Variants in NRP1 observed in about 807,000 individuals in gnomAD.
NRP1 encodes the protein neuropilin 1.
In NRP1, 35 loss-of-function variants were observed where a neutral mutation model predicts 106.7. The observed-to-expected ratio is 0.33, with a 90% CI of 0.25 to 0.43. The LOEUF (loss-of-function observed/expected upper bound fraction) is 0.43, where lower values mean the gene tolerates loss of function less well. Among genes scored for constraint, NRP1 ranks in the 20% least tolerant of loss-of-function variants. The pLI is 1.00. For missense variants in NRP1, 1,024 were observed against 1,170.4 expected, an observed-to-expected ratio of 0.87 and a Z score of 1.83; for synonymous variants, 437 against 417.9, an observed-to-expected ratio of 1.05 and a Z score of -0.56.
intron 4 of NRP1, among the ~76,000 whole-genome samples, chr10:33,259,496 G>T (rs1392958139): frequency 6.6e-6 from 1 of 152,148 alleles, no homozygotes; most frequent in Non-Finnish European, 1.5e-5. Flanking sequence ...ACAGCTATTG[G>T]ATTTCCTATT....
rs1838506259 is a variant in NRP1 at position 33,213,595 on chromosome 10, A to C, written c.1405T>G (p.Ser469Ala). 1 of 1,613,902 alleles carries C rather than the reference A, an allele frequency of 6.2e-7. No homozygotes were observed. Among genetic ancestry groups the C allele is most frequent in the South Asian group, 1.1e-5 (1 of 91,056 alleles). Residue 469 changes from serine (S) to alanine (A), a missense_variant, in exon 9 of 17, where the codon TCT (serine) becomes GCT (alanine). Transcript: ENST00000374867. Reference sequence around the variant, plus strand: ...GGTGCGGGTGGAAGTGCCCAGCCAGAGCGACTGGTTACCAGGCGGATGTTT... The same window carrying C: ...GGTGCGGGTGGAAGTGCCCAGCCAGCGCGACTGGTTACCAGGCGGATGTTT... ...PENIRLVTSR[S>A]GWALPPAPHS...
chr10:33,197,776 A>G, intron 11 of NRP1, 67 bp from the exon 12 acceptor site: 5 of 853,690 alleles, frequency 5.9e-6, no homozygotes, highest in Non-Finnish European at 9.6e-6. Context: ...AGAAAAATGT[A>G]TGCTTACAAA....
At chr10:33,204,233 A>G (rs1837582367) in intron 10 of NRP1, among the ~76,000 whole-genome samples, 1 of 152,160 alleles carries the variant, frequency 6.6e-6, no homozygotes, top group Admixed American at 6.5e-5. Context: ...CTTTCTTAGT[A>G]AAAATTTGAC....
chr10:33,198,527 G>C (rs1324281412), intron 11 of NRP1, among the ~76,000 whole-genome samples: 1 of 151,832 alleles, frequency 6.6e-6, no homozygotes, highest in Non-Finnish European at 1.5e-5. Flanking sequence ...TTCACTCCAC[G>C]GGCACTCACT....
intron 2 of NRP1, among the ~76,000 whole-genome samples, chr10:33,291,502 C>T (rs559027948): frequency 2.0e-5 from 3 of 152,326 alleles, no homozygotes; most frequent in East Asian, 1.9e-4. Context: ...AATTTGGAGA[C>T]AAGACTTTTC....
chr10:33,315,561 C>T (rs1253560368), intron 2 of NRP1, among the ~76,000 whole-genome samples: 2 of 152,156 alleles, frequency 1.3e-5, no homozygotes, highest in African/African-American at 4.8e-5. Flanking sequence ...ACACTAAACT[C>T]GGCTCTGAGC....
Position 33,190,791 on chromosome 10 carries a change from TATGTGTGTGTGTGTGC to T in NRP1, c.2062+1474_2062+1489del, listed in dbSNP as rs1309797607. On this transcript the variant is annotated intron_variant, in intron 13 of 16. Coordinates refer to ENST00000374867, the MANE Select transcript of NRP1 (RefSeq NM_003873.7). ...GTGAGTGTGTATATGTGTGTGTGTGTATGTGTGTGTGTGTGCATGTGTGTTGGGCCAGACATGGCTG... is the reference window on the plus strand; with the variant it reads ...GTGAGTGTGTATATGTGTGTGTGTGTATGTGTGTTGGGCCAGACATGGCTG... Among the ~76,000 whole-genome samples the T allele has an allele frequency of 6.6e-5, 10 of 152,232 alleles. No homozygotes were observed. The East Asian group carries it at 1.9e-3, about 29-fold the overall frequency.
chr10:33,222,614 G>A (rs923167238), intron 7 of NRP1, among the ~76,000 whole-genome samples: 4 of 151,804 alleles, frequency 2.6e-5, no homozygotes, highest in South Asian at 2.1e-4. Context: ...TCCGCCTCCC[G>A]GGTTCAAGCA....
chr10:33,304,551 G>A (rs1336719839), intron 2 of NRP1, among the ~76,000 whole-genome samples: 2 of 152,124 alleles, frequency 1.3e-5, no homozygotes, highest in African/African-American at 2.4e-5. Flanking sequence ...CAGAACCCCA[G>A]TGTATGATGA....
chr10:33,307,512 A>G (rs1429934892), intron 2 of NRP1, among the ~76,000 whole-genome samples: 3 of 152,196 alleles, frequency 2.0e-5, no homozygotes, highest in Non-Finnish European at 4.4e-5. Flanking sequence ...CTTTGAAAAC[A>G]TAGATATAGT....
intron 2 of NRP1, among the ~76,000 whole-genome samples, chr10:33,279,267 C>T (rs146095921): frequency 3.9e-5 from 6 of 152,340 alleles, no homozygotes; most frequent in African/African-American, 1.4e-4. Context: ...TTGCTGGATT[C>T]TCTGCTCAGG....
chr10:33,242,311 C>T (rs914921593), intron 6 of NRP1, among the ~76,000 whole-genome samples: 1 of 152,114 alleles, frequency 6.6e-6, no homozygotes, highest in Non-Finnish European at 1.5e-5. Context: ...TAAATGAATT[C>T]TTGCCATTTT....
In NRP1 at chr10:33,289,875, C is replaced by T. The variant is rs116570856; in HGVS notation, c.249-19019G>A. ...AAATAAAAATCCGCTACCTTTTGTA[C>T]GGAAGGTCAGTATCTGCGGAGGCCA... On this transcript the variant is annotated intron_variant, in intron 2 of 16. Coordinates refer to ENST00000374867, the MANE Select transcript of NRP1 (RefSeq NM_003873.7). Among the ~76,000 whole-genome samples the T allele has an allele frequency of 5.5e-3, 837 of 152,296 alleles. 10 individuals carry two copies. The highest frequency in any genetic ancestry group is 0.019 in the African/African-American group (788 of 41,552).
At position 33,185,671 on chromosome 10, in the gene NRP1, A is replaced by G. The variant is rs1381136391; in HGVS notation, c.2388T>C (p.Asp796=). 24 of 1,614,176 alleles carry G rather than the reference A, an allele frequency of 1.5e-5. No homozygotes were observed. Among genetic ancestry groups the G allele is most frequent in the Non-Finnish European group, 1.9e-5 (23 of 1,180,006 alleles). The change falls in exon 15 of 17, where the codon GAT becomes GAC. Residue 796 remains aspartate, a synonymous_variant. Coordinates refer to ENST00000374867, the MANE Select transcript of NRP1 (RefSeq NM_003873.7). ...GKGNLGGIAV[D]DISINNHISQ... is the part of the protein sequence containing the mutation. ...AAATGTGGTTATTAATACTAATGTC[A>G]TCCACAGCAATCCCACCAAGGTTTC...
At chr10:33,331,797 T>C (rs1294378165) in intron 1 of NRP1, among the ~76,000 whole-genome samples, 1 of 152,230 alleles carries the variant, frequency 6.6e-6, no homozygotes, top group Non-Finnish European at 1.5e-5. Flanking sequence ...CATTTTATGA[T>C]GGATTTCATA....
At chr10:33,306,946 A>ATT (rs1846208116) in intron 2 of NRP1, among the ~76,000 whole-genome samples, 1 of 152,218 alleles carries the variant, frequency 6.6e-6, no homozygotes, top group African/African-American at 2.4e-5. Flanking sequence ...GTACACAAAG[A>ATT]AAAGACTCAG....
chr10:33,227,806 C>T (rs1157399452), intron 6 of NRP1, among the ~76,000 whole-genome samples: 3 of 152,160 alleles, frequency 2.0e-5, no homozygotes, highest in African/African-American at 7.2e-5. Flanking sequence ...GCAGCAAGCA[C>T]TCCATGTTCT....
intron 2 of NRP1, among the ~76,000 whole-genome samples, chr10:33,275,061 A>G (rs1380510631): frequency 6.6e-6 from 1 of 152,230 alleles, no homozygotes; most frequent in Admixed American, 6.5e-5. Context: ...ATAAAAATAT[A>G]CAATGGTGGA....
chr10:33,268,344 T>C (rs1406068610), intron 3 of NRP1, among the ~76,000 whole-genome samples: 1 of 152,170 alleles, frequency 6.6e-6, no homozygotes, highest in Non-Finnish European at 1.5e-5. Context: ...GGGCCACAAC[T>C]GGGCCTATTT....
Sources: allele counts gnomAD v4.1 joint callset (sites outside exome capture counted in the v4.1 genomes callset), GRCh38; gene constraint gnomAD v4.1.1; transcripts MANE v1.5; gene names NCBI Gene and HGNC (gene_info 2026-07-23, HGNC 2026-07-21).